The following P2RY8 variants were observed in gnomAD, a reference collection of about 807,000 sequenced individuals.
P2RY8 encodes the protein S-geranylgeranyl-glutathione receptor P2RY8.
Under a neutral mutation model 10.0 loss-of-function variants are expected in P2RY8, and 6 were observed. The observed-to-expected ratio is 0.60, with a 90% CI of 0.33 to 1.19. The LOEUF is 1.19. P2RY8 is among the 50% of genes most tolerant of loss of function. The probability of loss-of-function intolerance (pLI) is 0.04; values close to 1 mark genes in which losing one functional copy is unlikely to be tolerated. For synonymous variants in P2RY8, 276 were observed against 252.5 expected (o/e 1.09, Z -0.88); for missense variants, 456 against 542.0 (o/e 0.84, Z 1.58).
intron 1 of P2RY8, among the ~76,000 whole-genome samples, chrX:1,479,847 A>G (rs1429757599): frequency 6.6e-6 from 1 of 152,200 alleles, no homozygotes; most frequent in Non-Finnish European, 1.5e-5. Flanking sequence ...AAAAGATCAT[A>G]AAGAAATATT....
chrX:1,485,664 TATA>T (rs1418319468), intron 1 of P2RY8, among the ~76,000 whole-genome samples: 25 of 148,030 alleles, frequency 1.7e-4, no homozygotes, highest in African/African-American at 5.6e-4. Flanking sequence ...ATTATTGTTA[TATA>T]ATAATTTATT....
chrX:1,532,414 G>A (rs1226639972), intron 1 of P2RY8, among the ~76,000 whole-genome samples: 1 of 134,750 alleles, frequency 7.4e-6, no homozygotes, highest in Non-Finnish European at 1.7e-5. Flanking sequence ...ATATGTATAT[G>A]ATGTGTATAT....
rs1569536548 is a variant in P2RY8 at position 1,471,308 on chromosome X, C to CT, written c.-24-4727_-24-4726insA. ...CAGACGTGAGCCACCGCGCCCAGCC[C>CT]ATTTTTTTTTTTTTTTTTTTTTTGT... On this transcript the variant is annotated intron_variant, in intron 1 of 1. Transcript: ENST00000381297. 4.9e-4 allele frequency among the ~76,000 whole-genome samples: 35 copies of CT among 71,118 alleles called. 8 individuals carry two copies. The highest frequency in any genetic ancestry group is 9.3e-4 in the African/African-American group (18 of 19,288). 46.7% of individuals were successfully genotyped at this position (71,118 alleles called of 152,430 possible). A position where few individuals can be genotyped will look rare whatever the true frequency, so the allele number is the denominator to read the frequency against.
intron 1 of P2RY8, among the ~76,000 whole-genome samples, chrX:1,521,715 G>A (rs1463627456): frequency 1.3e-5 from 2 of 152,104 alleles, no homozygotes; most frequent in Non-Finnish European, 2.9e-5. Flanking sequence ...GTTGCATGGG[G>A]TGAAGGAAGC....
chrX:1,502,121 G>A (rs1386788249), intron 1 of P2RY8, among the ~76,000 whole-genome samples: 1 of 151,314 alleles, frequency 6.6e-6, no homozygotes, highest in Non-Finnish European at 1.5e-5. Flanking sequence ...GTGGTGGCCA[G>A]GCTGGTCTTG....
At chrX:1,480,288 TTTTC>T (rs1429402291) in intron 1 of P2RY8, among the ~76,000 whole-genome samples, 1 of 128,412 alleles carries the variant, frequency 7.8e-6, no homozygotes, top group East Asian at 2.3e-4. Context: ...TGTTTCTTTC[TTTTC>T]TTTCTTTTTT....
intron 1 of P2RY8, among the ~76,000 whole-genome samples, chrX:1,533,244 T>A (rs1393300814): frequency 6.0e-5 from 9 of 150,182 alleles, no homozygotes; most frequent in African/African-American, 2.2e-4. Context: ...AAGTAAAAAG[T>A]GTAAAACAAA....
At chrX:1,493,171 C>G (rs1383450589) in intron 1 of P2RY8, among the ~76,000 whole-genome samples, 2 of 149,974 alleles carry the variant, frequency 1.3e-5, no homozygotes, top group South Asian at 2.1e-4. Flanking sequence ...GCCTGTAATC[C>G]CAGCTACGTG....
At chrX:1,519,089 C>T (rs188074023) in intron 1 of P2RY8, among the ~76,000 whole-genome samples, 134 of 151,730 alleles carry the variant, frequency 8.8e-4, no homozygotes, top group East Asian at 5.7e-3. Context: ...AATAATCTTT[C>T]GGCTCCCCAA....
chrX:1,506,641 C>T (rs1345026220), intron 1 of P2RY8, among the ~76,000 whole-genome samples: 1 of 151,606 alleles, frequency 6.6e-6, no homozygotes, highest in Middle Eastern at 3.2e-3. Flanking sequence ...GGACCCTGGA[C>T]ATTTTGGACG....
chrX:1,502,367 C>G (rs2092189235), intron 1 of P2RY8, among the ~76,000 whole-genome samples: 2 of 152,172 alleles, frequency 1.3e-5, no homozygotes, highest in Admixed American at 6.5e-5. Context: ...CCTCCCCTCC[C>G]TCCCCCACTT....
chrX:1,535,565 T>C (rs2092517825), intron 1 of P2RY8, among the ~76,000 whole-genome samples: 2 of 151,890 alleles, frequency 1.3e-5, no homozygotes, highest in African/African-American at 2.4e-5. Context: ...GAAGGAGAGA[T>C]TGAACGGCGC....
intron 1 of P2RY8, among the ~76,000 whole-genome samples, chrX:1,506,142 G>A (rs1254391143): frequency 3.3e-5 from 5 of 151,672 alleles, no homozygotes; most frequent in Non-Finnish European, 5.9e-5. Flanking sequence ...ATAGGCACCC[G>A]CCACCACACC....
At chrX:1,509,037 T>TCCATCCAG in intron 1 of P2RY8, among the ~76,000 whole-genome samples, 1 of 128,036 alleles carries the variant, frequency 7.8e-6, no homozygotes, top group African/African-American at 3.2e-5. Flanking sequence ...CATCCATCCA[T>TCCATCCAG]CCATTTATTC....
intron 1 of P2RY8, among the ~76,000 whole-genome samples, chrX:1,515,311 T>C (rs1238437578): frequency 3.3e-5 from 5 of 152,138 alleles, no homozygotes; most frequent in Non-Finnish European, 7.4e-5. Flanking sequence ...CTACAGTTCA[T>C]TGGGTTTAGA....
At chrX:1,484,747 AAG>A (rs1304554828) in intron 1 of P2RY8, among the ~76,000 whole-genome samples, 2 of 102,142 alleles carry the variant, frequency 2.0e-5, no homozygotes, top group Admixed American at 1.1e-4. Context: ...AAAAAAAAAA[AAG>A]AAGAAGAAGA....
At chrX:1,529,733 A>G (rs2092460358) in intron 1 of P2RY8, among the ~76,000 whole-genome samples, 1 of 152,034 alleles carries the variant, frequency 6.6e-6, no homozygotes, top group Non-Finnish European at 1.5e-5. Context: ...GCTCTCTGGC[A>G]CCTATATCTA....
intron 1 of P2RY8, among the ~76,000 whole-genome samples, chrX:1,534,221 TTATA>T (rs1186960137): frequency 7.0e-6 from 1 of 142,378 alleles, no homozygotes; most frequent in East Asian, 2.0e-4. Context: ...TACTTACTAT[TTATA>T]TATTATATAT....
chrX:1,478,273 G>GTGCA (rs539376483), intron 1 of P2RY8, among the ~76,000 whole-genome samples: 7 of 133,636 alleles, frequency 5.2e-5, no homozygotes, highest in South Asian at 2.3e-4. Context: ...GTGTGTGTGT[G>GTGCA]CCCAGCAGGG....
Sources: gnomAD v4.1 joint callset for allele counts (sites outside exome capture counted in the v4.1 genomes callset) on GRCh38, gnomAD v4.1.1 for gene constraint, MANE v1.5 for transcripts, NCBI Gene and HGNC (gene_info 2026-07-23, HGNC 2026-07-21) for gene names.